LMNTD1: variants seen among roughly 807,000 people sequenced by gnomAD.
LMNTD1 encodes lamin tail domain containing 1.
A neutral mutation model predicts 50.9 loss-of-function variants in LMNTD1; 35 were observed. That is an observed-to-expected ratio of 0.69 (90% CI 0.53 to 0.91). LMNTD1 has a LOEUF of 0.91. Ranked by LOEUF, LMNTD1 falls within the 40% of genes least tolerant of loss-of-function variation. LMNTD1 has a pLI of 0.00. For synonymous variants in LMNTD1, 153 were observed against 161.9 expected (o/e 0.94, Z 0.42); for missense variants, 470 against 475.5 (o/e 0.99, Z 0.11).
chr12:25,505,968 A>C (rs528724513), intron 8 of LMNTD1, among the ~76,000 whole-genome samples: 8 of 152,338 alleles, frequency 5.3e-5, no homozygotes, highest in African/African-American at 1.9e-4. Flanking sequence ...ACATGCAAAC[A>C]TCAATAAACA....
chr12:25,579,144 G>GT (rs1400460571), intron 1 of LMNTD1, among the ~76,000 whole-genome samples: 1 of 152,168 alleles, frequency 6.6e-6, no homozygotes, highest in Non-Finnish European at 1.5e-5. Context: ...TATCTGTCAA[G>GT]TAAGTGTAAA....
chr12:25,533,128 G>A (rs999718133), intron 4 of LMNTD1, among the ~76,000 whole-genome samples: 1 of 152,112 alleles, frequency 6.6e-6, no homozygotes, highest in Non-Finnish European at 1.5e-5. Flanking sequence ...AAACAACATT[G>A]TCCATATCAG....
chr12:25,482,480 C>T (rs1020241614), intron 9 of LMNTD1, among the ~76,000 whole-genome samples: 1 of 151,974 alleles, frequency 6.6e-6, no homozygotes, highest in Non-Finnish European at 1.5e-5. Context: ...TAATACAGAT[C>T]TGTTGACCCA....
rs1189768163 is a variant in LMNTD1 at position 25,541,185 on chromosome 12, C to G, written c.491+5189G>C. On this transcript the variant is annotated intron_variant, in intron 4 of 9. Transcript: ENST00000458174. ...TTTACAGATTCAATGCCATCCCCAT[C>G]AAGCTACCAATGCCTTTCTTCACAG... Among the ~76,000 whole-genome samples, 494 of 78,262 alleles carry G rather than the reference C, an allele frequency of 6.3e-3. 60 individuals are homozygous for G. The highest frequency in any genetic ancestry group is 0.018 in the African/African-American group (484 of 27,526). 51.3% of individuals were successfully genotyped at this position (78,262 alleles called of 152,430 possible).
chr12:25,599,402 C>T (rs777277370), intron 1 of LMNTD1, among the ~76,000 whole-genome samples: 3 of 151,682 alleles, frequency 2.0e-5, no homozygotes, highest in Admixed American at 6.6e-5. Flanking sequence ...TGGAACACGA[C>T]AAGCATTTCA....
intron 4 of LMNTD1, among the ~76,000 whole-genome samples, chr12:25,534,772 C>G (rs1319574184): frequency 6.6e-6 from 1 of 152,264 alleles, no homozygotes; most frequent in Admixed American, 6.5e-5. Context: ...GCCTTGTGTA[C>G]AGTACTAAGG....
intron 9 of LMNTD1, among the ~76,000 whole-genome samples, chr12:25,490,285 G>A (rs866606298): frequency 1.3e-5 from 2 of 151,934 alleles, no homozygotes; most frequent in Non-Finnish European, 1.5e-5. Flanking sequence ...AACTCCACTT[G>A]GGAAGTTCAA....
At chr12:25,604,532 T>C (rs1316952102) in intron 1 of LMNTD1, among the ~76,000 whole-genome samples, 3 of 151,856 alleles carry the variant, frequency 2.0e-5, no homozygotes, top group South Asian at 4.2e-4. Flanking sequence ...CGGTGTGTGA[T>C]GTTCCCCTTC....
At chr12:25,598,364 G>A (rs1344721764) in intron 1 of LMNTD1, among the ~76,000 whole-genome samples, 1 of 151,854 alleles carries the variant, frequency 6.6e-6, no homozygotes, top group Non-Finnish European at 1.5e-5. Context: ...GCAGTACTAA[G>A]AGGGACCTTT....
chr12:25,527,669 TATATATATATATACACACACACACACAC>T (rs1941865656), intron 4 of LMNTD1, among the ~76,000 whole-genome samples: 1 of 22,750 alleles, frequency 4.4e-5, no homozygotes, highest in Non-Finnish European at 1.2e-4. Flanking sequence ...TATATATATA[TATATATATATATACACACACACACACAC>T]ACACACACAC....
intron 1 of LMNTD1, chr12:25,585,992 G>A (rs1447879571): frequency 6.6e-6 from 1 of 152,164 alleles, no homozygotes. Flanking sequence ...GTTAGGTCTG[G>A]AATTCAGTTT....
At chr12:25,476,685 T>G (rs946020032) in intron 9 of LMNTD1, among the ~76,000 whole-genome samples, 1 of 152,158 alleles carries the variant, frequency 6.6e-6, no homozygotes, top group Non-Finnish European at 1.5e-5. Context: ...AACTGAGAGC[T>G]CTAGACTAAA....
upstream of LMNTD1, chr12:25,648,560 C>T (rs1328616856): frequency 1.9e-6 from 3 of 1,551,022 alleles, no homozygotes; most frequent in Admixed American, 2.0e-5. Flanking sequence ...ATGTAGTGTC[C>T]TTAAGCTTCT....
intron 9 of LMNTD1, among the ~76,000 whole-genome samples, chr12:25,484,953 T>C (rs916808425): frequency 2.4e-4 from 37 of 152,000 alleles, no homozygotes; most frequent in East Asian, 5.8e-4. Context: ...TGAATAATGC[T>C]GCAATAAACA....
intron 1 of LMNTD1, among the ~76,000 whole-genome samples, chr12:25,559,924 T>C (rs1306057034): frequency 4.6e-5 from 7 of 152,242 alleles, no homozygotes; most frequent in African/African-American, 1.7e-4. Flanking sequence ...TTAAGTTCTT[T>C]GTAGATTCTG....
intron 1 of LMNTD1, among the ~76,000 whole-genome samples, chr12:25,644,313 CAAAAAAAAAAAA>C: frequency 1.2e-5 from 1 of 82,090 alleles, no homozygotes; most frequent in African/African-American, 4.8e-5. Flanking sequence ...CCTTTCTCTA[CAAAAAAAAAAAA>C]AAAAAAAAAA....
At chr12:25,503,330 C>T (rs868604510) in intron 9 of LMNTD1, among the ~76,000 whole-genome samples, 1 of 152,148 alleles carries the variant, frequency 6.6e-6, no homozygotes, top group Non-Finnish European at 1.5e-5. Context: ...CAAGTGAGAA[C>T]AGCTGCAGTC....
At position 25,627,310 on chromosome 12, in the gene LMNTD1, C is replaced by CT. The variant is rs201011640; in HGVS notation, c.58+21183dup. The stretch of plus-strand genomic sequence containing the variant: ...TCTTTTTTTCTTTCAGTTCTTTTTT[C>CT]TTTTTTCAGTGAAATAGCTTTGAAA... On this transcript the variant is annotated intron_variant, in intron 1 of 7. Coordinates refer to the LMNTD1 transcript ENST00000445693. 1.1e-4 allele frequency among the ~76,000 whole-genome samples: 16 copies of CT among 152,106 alleles called. No homozygotes were observed. In the East Asian group the frequency reaches 1.9e-3, roughly 18 times the overall value.
chr12:25,593,632 T>TA (rs1945766145), intron 1 of LMNTD1, among the ~76,000 whole-genome samples: 3 of 151,974 alleles, frequency 2.0e-5, no homozygotes, highest in Admixed American at 2.0e-4. Flanking sequence ...ACTCTGGTAA[T>TA]ACGACAAAAT....
Sources: allele counts gnomAD v4.1 joint callset (sites outside exome capture counted in the v4.1 genomes callset), GRCh38; gene constraint gnomAD v4.1.1; transcripts MANE v1.5; gene names NCBI Gene and HGNC (gene_info 2026-07-23, HGNC 2026-07-21).